Variants in WDR11 observed in about 807,000 individuals in gnomAD.
WDR11 encodes the protein WD repeat domain 11.
In WDR11, 83 loss-of-function variants were observed where a neutral mutation model predicts 151.2. The ratio of observed to expected loss-of-function variants is 0.55; its 90% CI spans 0.46 to 0.66. WDR11 has a LOEUF of 0.66. Among genes scored for constraint, WDR11 ranks in the 30% least tolerant of loss-of-function variants. WDR11 has a pLI of 0.00. For missense variants in WDR11, 1,301 were observed against 1,480.9 expected (o/e 0.88, Z 1.99); for synonymous variants, 484 against 533.1 (o/e 0.91, Z 1.27).
Position 120,904,635 on chromosome 10 carries a change from T to A in WDR11, c.3028-11T>A. Reference sequence around the variant, plus strand: ...TGTTCTCATAATTAGAAAAACCGTTTCTCTTACTAGACAGACAGAGCTGTG... The same window carrying A: ...TGTTCTCATAATTAGAAAAACCGTTACTCTTACTAGACAGACAGAGCTGTG... On this transcript the variant is annotated splice_polypyrimidine_tract_variant and intron_variant, in intron 24 of 28. Coordinates refer to ENST00000263461, the MANE Select transcript of WDR11 (RefSeq NM_018117.12). The A allele has an allele frequency of 6.2e-7, 1 of 1,614,148 alleles. No homozygotes were observed. Among genetic ancestry groups the A allele is most frequent in the Non-Finnish European group, 8.5e-7 (1 of 1,180,012 alleles).
Position 120,883,874 on chromosome 10 carries a change from A to G in WDR11, c.1834A>G (p.Thr612Ala), listed in dbSNP as rs1847116513. 6.2e-7 allele frequency: 1 copy of G among 1,612,326 alleles called. No individual in the cohort carries two copies. Among genetic ancestry groups the G allele is most frequent in the Non-Finnish European group, 8.5e-7 (1 of 1,178,728 alleles). Residue 612 changes from threonine (T) to alanine (A), a missense_variant, in exon 14 of 29, where the codon ACA (threonine) becomes GCA (alanine). Thr to Ala is a moderately conservative substitution (Grantham distance 58). Coordinates refer to ENST00000263461, the MANE Select transcript of WDR11 (RefSeq NM_018117.12). ...LLREMSKNFP[T>A]ITALEWSPSH... ...TAGAGAGATGTCCAAAAACTTCCCTACAATAACTGCTTTGGTAAGTTACAA... is the reference window on the plus strand; with the variant it reads ...TAGAGAGATGTCCAAAAACTTCCCTGCAATAACTGCTTTGGTAAGTTACAA...
intron 25 of WDR11, among the ~76,000 whole-genome samples, chr10:120,905,079 C>T (rs943804696): frequency 5.3e-5 from 8 of 152,104 alleles, no homozygotes; most frequent in Non-Finnish European, 1.2e-4. Context: ...ACAATAAAAC[C>T]TGTGAGAGAA....
intron 8 of WDR11, 76 bp from the exon 9 acceptor site, chr10:120,866,990 A>G (rs1289775984): frequency 1.8e-5 from 23 of 1,257,882 alleles, no homozygotes; most frequent in South Asian, 4.9e-5. Context: ...CATAATCTGG[A>G]CTTAATACTT....
chr10:120,893,859 GTTGT>G (rs1455692105), intron 19 of WDR11, among the ~76,000 whole-genome samples: 35 of 151,210 alleles, frequency 2.3e-4, no homozygotes, highest in African/African-American at 6.8e-4. Context: ...TTTTGATGGG[GTTGT>G]TTGTTTTTTT....
intron 11 of WDR11, among the ~76,000 whole-genome samples, chr10:120,875,978 C>CTTTTTTTTTTTTTTTTT (rs67775105): frequency 2.4e-4 from 29 of 122,804 alleles, no homozygotes; most frequent in African/African-American, 8.7e-4. Context: ...CCTTTTTTTT[C>CTTTTTTTTTTTTTTTTT]TTTTTTTTTT....
chr10:120,884,020 A>T, intron 14 of WDR11, 132 bp downstream of exon 14: 1 of 719,432 alleles, frequency 1.4e-6, no homozygotes, highest in Non-Finnish European at 2.4e-6. Context: ...TTCAGAGAAG[A>T]TGATCTAAAT....
chr10:120,865,630 G>A lies in WDR11; in HGVS notation c.880G>A (p.Val294Ile), dbSNP rs780607298. Residue 294 changes from valine to isoleucine, a missense_variant and splice_region_variant, in exon 7 of 29, where the codon GTA becomes ATA. Physicochemically the swap from Val to Ile is conservative, Grantham distance 29 (BLOSUM62 3). Around this residue, in one of 3 missense-constraint regions of WDR11, gnomAD observed 692 missense variants for 762.5 expected, o/e 0.91. Coordinates refer to ENST00000263461, the MANE Select transcript of WDR11 (RefSeq NM_018117.12). ...IERTGVPFLQ[V>I]IPCFQRDGLF... Reference sequence around the variant, plus strand: ...AAATAAATATATCATCTATTTAAAGGTAATACCCTGCTTTCAGCGTGATGG... The same window carrying A: ...AAATAAATATATCATCTATTTAAAGATAATACCCTGCTTTCAGCGTGATGG... 12 of 1,594,462 alleles carry A rather than the reference G, an allele frequency of 7.5e-6. No individual in the cohort carries two copies. Among genetic ancestry groups the A allele is most frequent in the Non-Finnish European group, 8.6e-6 (10 of 1,164,860 alleles).
intron 2 of WDR11, chr10:120,856,194 G>T (rs1332551794): frequency 1.3e-5 from 2 of 152,246 alleles, no homozygotes; most frequent in Non-Finnish European, 2.9e-5. Context: ...CTCTGAGAAA[G>T]TATTTCACCT....
chr10:120,908,266 A>C (rs1454477838), intron 28 of WDR11: 1 of 399,790 alleles, frequency 2.5e-6, no homozygotes, highest in South Asian at 2.3e-5. Flanking sequence ...TCTTCAGTTG[A>C]GTGTAGGTTA....
intron 9 of WDR11, among the ~76,000 whole-genome samples, chr10:120,868,154 T>C (rs2133749969): frequency 6.6e-6 from 1 of 152,292 alleles, no homozygotes; most frequent in Non-Finnish European, 1.5e-5. Flanking sequence ...AAATAAGTGA[T>C]GCACTAGAAA....
intron 6 of WDR11, 107 bp from the exon 7 acceptor site, chr10:120,865,523 A>ATTTTTTTT: frequency 1.3e-6 from 1 of 762,442 alleles, no homozygotes; most frequent in Non-Finnish European, 2.1e-6. Flanking sequence ...GGATTTGTCT[A>ATTTTTTTT]TTTTTTTTTC....
rs767877452 is a variant in WDR11 at position 120,900,012 on chromosome 10, C to T, written c.2516-17C>T. 3 of 1,602,152 alleles carry T rather than the reference C, an allele frequency of 1.9e-6. No homozygotes were observed. The highest frequency in any genetic ancestry group is 2.2e-5 in the South Asian group (2 of 90,808). The stretch of plus-strand genomic sequence containing the variant: ...AAAACTTCATTTTATTTTTAAAAAC[C>T]TTTCTTTGTTGTCTAGAGCCTGTGT... On this transcript the variant is annotated splice_polypyrimidine_tract_variant and intron_variant, in intron 19 of 28. Transcript: ENST00000263461.
At chr10:120,869,518 A>C (rs1846450429) in intron 9 of WDR11, among the ~76,000 whole-genome samples, 1 of 79,260 alleles carries the variant, frequency 1.3e-5, no homozygotes, top group African/African-American at 3.1e-5. Flanking sequence ...AAAACATTTT[A>C]ATTTAAACTT....
At chr10:120,861,707 A>T (rs1423880504) in intron 4 of WDR11, among the ~76,000 whole-genome samples, 1 of 152,178 alleles carries the variant, frequency 6.6e-6, no homozygotes, top group African/African-American at 2.4e-5. Flanking sequence ...CCCTGTGTTT[A>T]GAGCAGCCTT....
chr10:120,885,990 T>C, intron 15 of WDR11, 52 bp downstream of exon 15: 1 of 1,608,834 alleles, frequency 6.2e-7, no homozygotes, highest in Non-Finnish European at 8.5e-7. Flanking sequence ...GCATCATGTC[T>C]GGGAAGTTGA....
chr10:120,859,494 C>T (rs1415180060), intron 3 of WDR11, among the ~76,000 whole-genome samples: 2 of 152,100 alleles, frequency 1.3e-5, no homozygotes, highest in East Asian at 3.9e-4. Flanking sequence ...GTCTCGATCT[C>T]CTGACTTCGT....
chr10:120,889,756 GC>G, intron 17 of WDR11, 138 bp from the exon 18 acceptor site: 2 of 704,242 alleles, frequency 2.8e-6, no homozygotes, highest in Non-Finnish European at 5.1e-6. Flanking sequence ...GTCAGATGTG[GC>G]CCCCAGTCCC....
At position 120,866,779 on chromosome 10, in the gene WDR11, A is replaced by C. The variant is rs1234136696; in HGVS notation, c.1190+15A>C. ...TCACGGAACAGGTAAATGAATCAAC[A>C]GGATCATGGTTTTGTTTTTTGTTTC... On this transcript the variant is annotated intron_variant, in intron 8 of 28. Coordinates refer to ENST00000263461, the MANE Select transcript of WDR11 (RefSeq NM_018117.12). 1 of 1,614,006 alleles carries C rather than the reference A, an allele frequency of 6.2e-7. No individual in the cohort carries two copies. The highest frequency in any genetic ancestry group is 8.5e-7 in the Non-Finnish European group (1 of 1,179,948).
intron 2 of WDR11, among the ~76,000 whole-genome samples, chr10:120,855,307 G>A (rs1845909708): frequency 6.6e-6 from 1 of 152,166 alleles, no homozygotes; most frequent in Admixed American, 6.5e-5. Context: ...TATGATTAAG[G>A]CAGGATGGAA....
Sources: gnomAD v4.1 joint callset for allele counts (sites outside exome capture counted in the v4.1 genomes callset) on GRCh38, gnomAD v4.1.1 for gene constraint, gnomAD v4.1.1 regional missense constraint, MANE v1.5 for transcripts, NCBI Gene and HGNC (gene_info 2026-07-23, HGNC 2026-07-21) for gene names.